Variants in FER1L6 observed in about 807,000 individuals in gnomAD.
FER1L6 encodes fer-1-like protein 6.
Under a neutral mutation model 219.2 loss-of-function variants are expected in FER1L6, and 177 were observed. The observed-to-expected ratio is 0.81, with a 90% CI of 0.71 to 0.91. FER1L6 has a LOEUF of 0.91. FER1L6 is among the 40% of genes least tolerant of loss of function. FER1L6 has a pLI of 0.00. For synonymous variants in FER1L6, 768 were observed against 824.3 expected (o/e 0.93, Z 1.17); for missense variants, 2,153 against 2,259.9 (o/e 0.95, Z 0.96).
rs545901491 is a variant in FER1L6 at position 123,898,732 on chromosome 8, G to GTA, written c.-8+46554_-8+46555dup. On this transcript the variant is annotated intron_variant, in intron 1 of 40. Coordinates refer to ENST00000522917, the MANE Select transcript of FER1L6 (RefSeq NM_001039112.2). ...GTATATACGTATATGTGTATATATA[G>GTA]TATATATACATATATACTATATATA... Among the ~76,000 whole-genome samples the GTA allele has an allele frequency of 6.6e-4, 89 of 135,072 alleles. No individual in the cohort carries two copies. The East Asian group carries it at 0.017, about 26-fold the overall frequency. 88.6% of individuals were successfully genotyped at this position (135,072 alleles called of 152,430 possible). A position where few individuals can be genotyped will look rare whatever the true frequency, so the allele number is the denominator to read the frequency against.
chr8:124,023,235 G>T (rs1327938889), intron 17 of FER1L6, among the ~76,000 whole-genome samples: 1 of 152,158 alleles, frequency 6.6e-6, no homozygotes, highest in Non-Finnish European at 1.5e-5. Flanking sequence ...TTTAACTCAT[G>T]ACCTAAGTAA....
Position 123,981,080 on chromosome 8 carries a change from C to T in FER1L6, c.1410+269C>T, listed in dbSNP as rs904211610. Among the ~76,000 whole-genome samples the T allele has an allele frequency of 7.9e-5, 12 of 152,190 alleles. No homozygotes were observed. In the South Asian group the frequency reaches 8.3e-4, roughly 11 times the overall value. On this transcript the variant is annotated intron_variant, in intron 11 of 40. Transcript: ENST00000522917. ...CAAGTAAAGAGAAATAAAAGTGCTCCGGAGGAGTTGGTGGGAGTGGGTGGT... is the reference window on the plus strand; with the variant it reads ...CAAGTAAAGAGAAATAAAAGTGCTCTGGAGGAGTTGGTGGGAGTGGGTGGT...
At chr8:123,944,559 T>G (rs564685310) in intron 1 of FER1L6, among the ~76,000 whole-genome samples, 25 of 152,160 alleles carry the variant, frequency 1.6e-4, no homozygotes, top group Middle Eastern at 3.4e-3. Flanking sequence ...AAGTTATATA[T>G]ATATATAAAT....
At position 123,852,620 on chromosome 8, in the gene FER1L6, G is replaced by A. The variant is rs183920580; in HGVS notation, c.-8+435G>A. On this transcript the variant is annotated intron_variant, in intron 1 of 40. Transcript: ENST00000522917. This position sits in a 1 kb window ranked among gnomAD's most constrained non-coding sequence, Gnocchi z 4.9. The stretch of plus-strand genomic sequence containing the variant: ...GCCTCAGGAACTCATAGAAAATGTG[G>A]GGCCTCTCACAAGATTGTTAGACTT... Among the ~76,000 whole-genome samples, 4 of 151,972 alleles carry A rather than the reference G, an allele frequency of 2.6e-5. No homozygotes were observed. The highest frequency in any genetic ancestry group is 3.9e-4 in the East Asian group (2 of 5,170).
chr8:123,992,792 G>A (rs977304080), intron 12 of FER1L6, among the ~76,000 whole-genome samples: 5 of 152,002 alleles, frequency 3.3e-5, no homozygotes, highest in South Asian at 2.1e-4. Flanking sequence ...CTTGAGGTGC[G>A]ACATTGGGTT....
At chr8:124,085,992 G>A (rs777377961) in intron 33 of FER1L6, among the ~76,000 whole-genome samples, 1 of 151,982 alleles carries the variant, frequency 6.6e-6, no homozygotes, top group Non-Finnish European at 1.5e-5. Flanking sequence ...TATAGTTCTT[G>A]TCTTGAAATC....
chr8:123,886,890 G>A (rs1817212649), intron 1 of FER1L6, among the ~76,000 whole-genome samples: 2 of 152,142 alleles, frequency 1.3e-5, no homozygotes, highest in African/African-American at 2.4e-5. Flanking sequence ...AGGTATTTAT[G>A]CAAATATCGA....
chr8:123,942,355 G>A (rs1213478609), intron 1 of FER1L6, among the ~76,000 whole-genome samples: 3 of 152,328 alleles, frequency 2.0e-5, no homozygotes, highest in African/African-American at 7.2e-5. Flanking sequence ...GGTGCACAAT[G>A]GAGAGGGCCC....
chr8:124,004,849 T>A (rs1817586879), intron 13 of FER1L6, among the ~76,000 whole-genome samples: 1 of 151,864 alleles, frequency 6.6e-6, no homozygotes, highest in Non-Finnish European at 1.5e-5. Context: ...ATACAAAAAA[T>A]TAGCAGGGCA....
chr8:123,864,549 TCTC>T (rs1398076817), intron 1 of FER1L6, among the ~76,000 whole-genome samples: 1 of 149,510 alleles, frequency 6.7e-6, no homozygotes, highest in East Asian at 1.9e-4. Context: ...TTGGGGAAGT[TCTC>T]CTGGATAATA....
chr8:123,975,107 G>C (rs763392510), intron 7 of FER1L6, 43 bp from the exon 8 acceptor site: 1 of 1,503,010 alleles, frequency 6.7e-7, no homozygotes, highest in Admixed American at 2.0e-5. Flanking sequence ...GGGGCTGCTG[G>C]GCCCATCTGT....
intron 12 of FER1L6, 21 bp from the exon 13 acceptor site, chr8:124,003,146 C>T (rs1254849488): frequency 1.2e-6 from 2 of 1,608,784 alleles, no homozygotes; most frequent in African/African-American, 2.7e-5. Flanking sequence ...GACCCCTTTC[C>T]CCTTGCTACT....
intron 2 of FER1L6, among the ~76,000 whole-genome samples, chr8:123,961,248 A>G (rs1815262614): frequency 6.6e-6 from 1 of 152,166 alleles, no homozygotes; most frequent in Admixed American, 6.5e-5. Flanking sequence ...CCTGGGCGAT[A>G]GAGTAAGACC....
chr8:123,894,586 C>T (rs1429931188), intron 1 of FER1L6, among the ~76,000 whole-genome samples: 2 of 152,162 alleles, frequency 1.3e-5, no homozygotes, highest in African/African-American at 2.4e-5. Context: ...TAGCATTGTT[C>T]ACTGAGAGGG....
chr8:123,974,680 A>AAAAAAAAAAAAAAAAT (rs1362934333), intron 7 of FER1L6, among the ~76,000 whole-genome samples: 1 of 148,490 alleles, frequency 6.7e-6, no homozygotes, highest in Non-Finnish European at 1.5e-5. Flanking sequence ...AAAAAAAAAA[A>AAAAAAAAAAAAAAAAT]AAGAAATGTG....
At chr8:124,029,493 G>A (rs1563753600) in intron 18 of FER1L6, among the ~76,000 whole-genome samples, 4 of 152,100 alleles carry the variant, frequency 2.6e-5, no homozygotes. Flanking sequence ...ATCTCACTGT[G>A]GTTTTGATTT....
chr8:124,058,518 C>A (rs1208307976), intron 22 of FER1L6, among the ~76,000 whole-genome samples: 1 of 152,214 alleles, frequency 6.6e-6, no homozygotes, highest in Non-Finnish European at 1.5e-5. Context: ...GTAGCAAAGT[C>A]ATTTAATTGC....
chr8:123,958,135 A>G (rs1815100213), intron 2 of FER1L6, among the ~76,000 whole-genome samples: 1 of 152,334 alleles, frequency 6.6e-6, no homozygotes, highest in Admixed American at 6.5e-5. Flanking sequence ...CCCTTTGTCC[A>G]TTTATTCAAA....
chr8:123,931,678 C>T (rs1012234189), intron 1 of FER1L6, among the ~76,000 whole-genome samples: 1 of 152,158 alleles, frequency 6.6e-6, no homozygotes, highest in African/African-American at 2.4e-5. Context: ...AGTTTTCTTC[C>T]ATCCCCAATT....
Sources: allele counts gnomAD v4.1 joint callset (sites outside exome capture counted in the v4.1 genomes callset), GRCh38; gene constraint gnomAD v4.1.1; non-coding constraint Gnocchi (gnomAD v3.1); transcripts MANE v1.5; gene names NCBI Gene and HGNC (gene_info 2026-07-23, HGNC 2026-07-21).